The following FHIT variants were observed in gnomAD, a reference collection of about 807,000 sequenced individuals.
FHIT encodes the protein bis(5'-adenosyl)-triphosphatase.
A neutral mutation model predicts 17.9 loss-of-function variants in FHIT; 19 were observed. That is an observed-to-expected ratio of 1.06 (90% confidence interval 0.74 to 1.56). The LOEUF (loss-of-function observed/expected upper bound fraction) is 1.56, where lower values mean the gene tolerates loss of function less well. FHIT is among the 40% of genes most tolerant of loss of function. FHIT has a pLI of 0.00. For synonymous variants in FHIT, 81 were observed against 69.7 expected, an observed-to-expected ratio of 1.16 and a Z score of -0.81; for missense variants, 248 against 189.2, an observed-to-expected ratio of 1.31 and a Z score of -1.82.
intron 2 of FHIT, among the ~76,000 whole-genome samples, chr3:61,200,040 G>A (rs371998803): frequency 5.9e-5 from 9 of 152,162 alleles, no homozygotes; most frequent in African/African-American, 1.4e-4. Flanking sequence ...ACAAGAGACC[G>A]AGTAGGTACT....
chr3:60,983,387 C>T (rs1244898824), intron 3 of FHIT, among the ~76,000 whole-genome samples: 5 of 152,084 alleles, frequency 3.3e-5, no homozygotes, highest in Non-Finnish European at 7.4e-5. Flanking sequence ...GTCAGATCTC[C>T]AGGACCCATC....
At chr3:60,734,030 G>C (rs1177348001) in intron 4 of FHIT, among the ~76,000 whole-genome samples, 1 of 152,138 alleles carries the variant, frequency 6.6e-6, no homozygotes, top group Non-Finnish European at 1.5e-5. Context: ...AGAAGAATCC[G>C]TCTGTTGGTC....
intron 2 of FHIT, among the ~76,000 whole-genome samples, chr3:61,172,332 G>A (rs1159762231): frequency 1.3e-5 from 2 of 152,122 alleles, no homozygotes; most frequent in Non-Finnish European, 2.9e-5. Context: ...TATGCAAGGG[G>A]AAAAATGCAA....
Position 60,149,047 on chromosome 3 carries a change from C to A in FHIT, c.104-134895G>T, listed in dbSNP as rs542132980. ...ATTTCTATCATAGTTGTTGACATGC[C>A]AGGGAAAATAATTTCCTTTGGACAC... is the stretch of plus-strand genomic sequence containing the variant. On this transcript the variant is annotated intron_variant, in intron 5 of 9. Transcript: ENST00000492590. 6.8e-4 allele frequency among the ~76,000 whole-genome samples: 104 copies of A among 152,246 alleles called. 1 individual carries two copies. The highest frequency in any genetic ancestry group is 2.4e-3 in the African/African-American group (100 of 41,554).
intron 2 of FHIT, among the ~76,000 whole-genome samples, chr3:61,154,696 G>T (rs1259710664): frequency 2.0e-5 from 3 of 152,170 alleles, no homozygotes; most frequent in African/African-American, 4.8e-5. Flanking sequence ...TCCCTGGAAT[G>T]AGCCAGAAAA....
chr3:60,472,046 G>A (rs1221511108), intron 5 of FHIT, among the ~76,000 whole-genome samples: 1 of 151,772 alleles, frequency 6.6e-6, no homozygotes, highest in African/African-American at 2.4e-5. Flanking sequence ...TACCTATTGG[G>A]TACAATGTTC....
intron 5 of FHIT, among the ~76,000 whole-genome samples, chr3:60,135,664 C>T (rs897979117): frequency 7.2e-5 from 11 of 152,118 alleles, no homozygotes; most frequent in Admixed American, 7.2e-4. Flanking sequence ...CTTCTCACCT[C>T]GGGCAGTGGC....
chr3:59,968,599 G>A (rs1483790648), intron 7 of FHIT, among the ~76,000 whole-genome samples: 1 of 152,006 alleles, frequency 6.6e-6, no homozygotes. Flanking sequence ...GTAATTCTGT[G>A]GTTTTATATC....
intron 2 of FHIT, among the ~76,000 whole-genome samples, chr3:61,147,016 C>G (rs1332895315): frequency 6.6e-6 from 1 of 151,914 alleles, no homozygotes; most frequent in African/African-American, 2.4e-5. Context: ...GAAATAAATC[C>G]CATACTGACA....
At chr3:60,445,134 G>GT (rs1489789976) in intron 5 of FHIT, among the ~76,000 whole-genome samples, 8 of 152,024 alleles carry the variant, frequency 5.3e-5, no homozygotes, top group Admixed American at 5.2e-4. Context: ...ACTAATGCAC[G>GT]TAAGTATTGC....
intron 8 of FHIT, among the ~76,000 whole-genome samples, chr3:59,821,806 T>A (rs2106660636): frequency 6.6e-6 from 1 of 152,302 alleles, no homozygotes; most frequent in South Asian, 2.1e-4. Flanking sequence ...ATTTTTAATT[T>A]TTTTATTTCC....
At chr3:60,719,157 G>A (rs1249499472) in intron 4 of FHIT, among the ~76,000 whole-genome samples, 1 of 152,044 alleles carries the variant, frequency 6.6e-6, no homozygotes, top group Non-Finnish European at 1.5e-5. Flanking sequence ...AAGTGCCTTG[G>A]GATGGTTGGG....
chr3:60,995,198 G>GT (rs1288176118), intron 3 of FHIT, among the ~76,000 whole-genome samples: 2 of 151,996 alleles, frequency 1.3e-5, no homozygotes, highest in Non-Finnish European at 2.9e-5. Context: ...GCAGGCGCCT[G>GT]AGTCCCAGCT....
intron 8 of FHIT, among the ~76,000 whole-genome samples, chr3:59,889,846 C>G (rs778840475): frequency 6.6e-6 from 1 of 152,162 alleles, no homozygotes; most frequent in Non-Finnish European, 1.5e-5. Flanking sequence ...AATGAGAGAA[C>G]ATACATTGGC....
intron 4 of FHIT, among the ~76,000 whole-genome samples, chr3:60,609,026 A>G (rs1485739516): frequency 1.3e-5 from 2 of 151,938 alleles, no homozygotes; most frequent in Non-Finnish European, 2.9e-5. Context: ...AATTTGGAAA[A>G]AAAAAAAAAA....
Position 61,045,072 on chromosome 3 carries a change from A to G in FHIT, c.-163-2973T>C, listed in dbSNP as rs540008144. Among the ~76,000 whole-genome samples the G allele has an allele frequency of 9.2e-5, 14 of 152,336 alleles. No homozygotes were observed. The East Asian group carries it at 2.1e-3, about 23-fold the overall frequency. On this transcript the variant is annotated intron_variant, in intron 2 of 9. Transcript: ENST00000492590. The stretch of plus-strand genomic sequence containing the variant: ...ATCAATACTAGGAAGAAACTGCATC[A>G]ACTAAGAAGCCAAATAACCAGCTAA...
chr3:59,808,299 C>A (rs1299531869), intron 8 of FHIT, among the ~76,000 whole-genome samples: 1 of 152,030 alleles, frequency 6.6e-6, no homozygotes, highest in Non-Finnish European at 1.5e-5. Context: ...GAATTCAGGC[C>A]AAGGCTAGAA....
chr3:60,348,678 AAT>A (rs1306976318), intron 5 of FHIT, among the ~76,000 whole-genome samples: 1 of 152,206 alleles, frequency 6.6e-6, no homozygotes, highest in Non-Finnish European at 1.5e-5. Flanking sequence ...TGTAATTTGC[AAT>A]GTCTTCCCAC....
chr3:60,634,335 C>T (rs542076224), intron 4 of FHIT, among the ~76,000 whole-genome samples: 12 of 152,132 alleles, frequency 7.9e-5, no homozygotes, highest in East Asian at 1.9e-4. Context: ...AACTAGGAGA[C>T]GAAGAAAGAA....
Sources: allele counts gnomAD v4.1 joint callset (sites outside exome capture counted in the v4.1 genomes callset), GRCh38; gene constraint gnomAD v4.1.1; transcripts MANE v1.5; gene names NCBI Gene and HGNC (gene_info 2026-07-23, HGNC 2026-07-21).